The following CNTLN variants were observed in gnomAD, a reference collection of about 807,000 sequenced individuals.
CNTLN encodes the protein centlein.
In CNTLN, 212 loss-of-function variants were observed where a neutral mutation model predicts 180.0. The ratio of observed to expected loss-of-function variants is 1.18; its 90% CI spans 1.05 to 1.32. CNTLN has a LOEUF of 1.32. Ranked by LOEUF, CNTLN falls within the 40% of genes most tolerant of loss-of-function variation. The probability of loss-of-function intolerance (pLI) is 0.00; values close to 1 mark genes in which losing one functional copy is unlikely to be tolerated. For synonymous variants in CNTLN, 722 were observed against 563.1 expected (o/e 1.28, Z -3.99); for missense variants, 2,095 against 1,610.9 (o/e 1.30, Z -5.14).
chr9:17,139,333 G>A (rs540464978), intron 1 of CNTLN, among the ~76,000 whole-genome samples: 6 of 151,840 alleles, frequency 4.0e-5, no homozygotes, highest in African/African-American at 7.3e-5. Flanking sequence ...TGATCTGCCC[G>A]CCTTGGCCTC....
intron 3 of CNTLN, among the ~76,000 whole-genome samples, chr9:17,227,852 T>G (rs886835725): frequency 2.9e-4 from 44 of 152,172 alleles, no homozygotes; most frequent in African/African-American, 1.0e-3. Context: ...GAAAGAAACA[T>G]TTGTATTTAC....
intron 6 of CNTLN, among the ~76,000 whole-genome samples, chr9:17,297,972 G>T (rs1215586478): frequency 1.3e-5 from 2 of 152,096 alleles, no homozygotes; most frequent in Non-Finnish European, 2.9e-5. Context: ...AAATTAATAT[G>T]TATCTGGCTT....
chr9:17,236,982 C>G (rs759278360), intron 5 of CNTLN, among the ~76,000 whole-genome samples: 1 of 151,954 alleles, frequency 6.6e-6, no homozygotes, highest in Non-Finnish European at 1.5e-5. Context: ...GTAAAAAATA[C>G]TAAACAGTTA....
chr9:17,460,439 T>C (rs1300519794), intron 19 of CNTLN, among the ~76,000 whole-genome samples: 6 of 151,734 alleles, frequency 4.0e-5, no homozygotes, highest in Non-Finnish European at 8.9e-5. Flanking sequence ...GTTACAGATA[T>C]ATATTGTATA....
At chr9:17,164,263 G>A (rs111688950) in intron 2 of CNTLN, among the ~76,000 whole-genome samples, 105 of 126,552 alleles carry the variant, frequency 8.3e-4, no homozygotes, top group African/African-American at 3.0e-3. Flanking sequence ...AGTGAGCCAA[G>A]ATTGCCTGAC....
rs768029198 is a variant in CNTLN, at chr9:17,309,177, A to T, written c.1266A>T (p.Leu422Phe). 7 of 1,610,408 alleles carry T rather than the reference A, an allele frequency of 4.3e-6. No individual in the cohort carries two copies. The highest frequency in any genetic ancestry group is 8.5e-7 in the Non-Finnish European group (1 of 1,177,796). Residue 422 changes from leucine (L) to phenylalanine (F), a missense_variant, in exon 8 of 26, where the codon TTA becomes TTT. Leu to Phe is a conservative substitution (Grantham distance 22). Coordinates refer to ENST00000380647, the MANE Select transcript of CNTLN (RefSeq NM_017738.4). Reference protein sequence around the residue: ...LLQKEQENAKLKEKLQESQGA... With the variant: ...LLQKEQENAKFKEKLQESQGA... ...AAAAAGAGCAAGAAAATGCTAAGTT[A>T]AAAGAAAAACTTCAGGAATCACAGG... is the stretch of plus-strand genomic sequence containing the variant.
the CNTLN span, among the ~76,000 whole-genome samples, chr9:17,526,413 A>G: frequency 2.0e-5 from 3 of 152,370 alleles, no homozygotes; most frequent in Middle Eastern, 3.4e-3. Context: ...CTGACAAATT[A>G]TAAAGTTTAA....
chr9:17,249,667 CCA>C (rs970633865), intron 5 of CNTLN, among the ~76,000 whole-genome samples: 1 of 151,836 alleles, frequency 6.6e-6, no homozygotes, highest in Non-Finnish European at 1.5e-5. Context: ...TTTTAAATTT[CCA>C]CATACTTGTG....
At chr9:17,152,230 CT>C (rs1257444844) in intron 2 of CNTLN, among the ~76,000 whole-genome samples, 1 of 152,108 alleles carries the variant, frequency 6.6e-6, no homozygotes, top group Non-Finnish European at 1.5e-5. Flanking sequence ...TGTTGCTTCT[CT>C]AGTCCTTTTA....
chr9:17,150,452 G>C (rs980428484), intron 2 of CNTLN, among the ~76,000 whole-genome samples: 14 of 152,224 alleles, frequency 9.2e-5, no homozygotes, highest in Non-Finnish European at 1.9e-4. Flanking sequence ...TCAAAGATCA[G>C]ATGGTTGTAG....
At chr9:17,280,625 C>T (rs1828603926) in intron 6 of CNTLN, among the ~76,000 whole-genome samples, 1 of 152,100 alleles carries the variant, frequency 6.6e-6, no homozygotes, top group Non-Finnish European at 1.5e-5. Context: ...GTTGTTCTGG[C>T]CATTGCTTCA....
At chr9:17,242,350 C>T (rs1825545784) in intron 5 of CNTLN, among the ~76,000 whole-genome samples, 1 of 151,846 alleles carries the variant, frequency 6.6e-6, no homozygotes, top group African/African-American at 2.4e-5. Flanking sequence ...CGCTGTGTCA[C>T]CCAGGCGGGA....
intron 15 of CNTLN, among the ~76,000 whole-genome samples, chr9:17,402,521 T>G (rs534421044): frequency 6.6e-6 from 1 of 151,870 alleles, no homozygotes; most frequent in African/African-American, 2.4e-5. Flanking sequence ...CTGTTGGTTA[T>G]GTATCAACTT....
At chr9:17,379,655 G>T (rs954914863) in intron 13 of CNTLN, among the ~76,000 whole-genome samples, 1 of 152,018 alleles carries the variant, frequency 6.6e-6, no homozygotes, top group Admixed American at 6.6e-5. Flanking sequence ...CCATATAGAA[G>T]GGAAAATCTG....
rs1826349619 is a variant in CNTLN at position 17,394,581 on chromosome 9, A to C, written c.2127A>C (p.Arg709Ser). The change falls in exon 15 of 26, where the codon AGA becomes AGC. Residue 709 changes from arginine to serine, a missense_variant. Physicochemically the swap from Arg to Ser is moderately radical, Grantham distance 110. Transcript: ENST00000380647. The stretch of plus-strand genomic sequence containing the variant: ...TGAAATCTTTTGAGAAAAGGTCGAG[A>C]AAATTAAAAGAAGGGAATAAAAAAT... ...NRLKSFEKRS[R>S]KLKEGNKKLM... The C allele has an allele frequency of 6.3e-7, 1 of 1,592,516 alleles. No individual in the cohort carries two copies. Among genetic ancestry groups the C allele is most frequent in the Non-Finnish European group, 8.5e-7 (1 of 1,174,214 alleles).
rs565819022 is a variant in CNTLN at position 17,299,223 on chromosome 9, CAG to C, written c.1146+872_1146+873del. 634 of 124,830 alleles carry C rather than the reference CAG, an allele frequency of 5.1e-3. 4 individuals are homozygous for C. The highest frequency in any genetic ancestry group is 7.1e-3 in the Middle Eastern group (1 of 140). The allele number at this position is 124,830 out of a possible 1,614,324, so 7.7% of individuals were successfully genotyped here. ...GCACCATTGCACTCCAGCCAGGCGA[CAG>C]GGGGAGACAACGTCTCAAAAAAAAA... On this transcript the variant is annotated intron_variant, in intron 7 of 25. Coordinates refer to ENST00000380647, the MANE Select transcript of CNTLN (RefSeq NM_017738.4).
At chr9:17,293,135 C>G (rs1193715735) in intron 6 of CNTLN, among the ~76,000 whole-genome samples, 1 of 152,208 alleles carries the variant, frequency 6.6e-6, no homozygotes, top group Admixed American at 6.5e-5. Flanking sequence ...AGATGGCTGC[C>G]TGCTACTTCC....
intron 6 of CNTLN, among the ~76,000 whole-genome samples, chr9:17,285,085 T>C (rs1195236137): frequency 1.7e-4 from 25 of 151,052 alleles, no homozygotes; most frequent in Non-Finnish European, 3.5e-4. Context: ...ACATGTGCCA[T>C]GCTGGTGCGC....
At chr9:17,295,997 AGTGT>A (rs66515360) in intron 6 of CNTLN, among the ~76,000 whole-genome samples, 4,071 of 90,996 alleles carry the variant, frequency 0.045, 67 homozygotes, top group Middle Eastern at 0.098. Flanking sequence ...AGAGAGAGAG[AGTGT>A]GTGTGTGTGT....
Sources: gnomAD v4.1 joint callset for allele counts (sites outside exome capture counted in the v4.1 genomes callset) on GRCh38, gnomAD v4.1.1 for gene constraint, MANE v1.5 for transcripts, NCBI Gene and HGNC (gene_info 2026-07-23, HGNC 2026-07-21) for gene names.